Variants in SGSM2 observed in about 807,000 individuals in gnomAD.
The protein encoded by SGSM2 is RUN and TBC1 domain containing 1.
In SGSM2, 89 loss-of-function variants were observed where a neutral mutation model predicts 126.6. The ratio of observed to expected loss-of-function variants is 0.70; its 90% CI spans 0.59 to 0.84. SGSM2 has a LOEUF of 0.84. Ranked by LOEUF, SGSM2 falls within the 40% of genes least tolerant of loss-of-function variation. SGSM2 has a pLI of 0.00. For missense variants in SGSM2, 1,404 were observed against 1,416.6 expected (o/e 0.99, Z 0.14); for synonymous variants, 614 against 574.3 (o/e 1.07, Z -0.99).
intron 11 of SGSM2, among the ~76,000 whole-genome samples, chr17:2,366,064 G>A (rs1167423597): frequency 6.6e-6 from 1 of 152,164 alleles, no homozygotes; most frequent in Non-Finnish European, 1.5e-5. Flanking sequence ...TTTGGATGGT[G>A]AATATTGTCT....
intron 11 of SGSM2, among the ~76,000 whole-genome samples, chr17:2,365,789 C>T (rs556930669): frequency 6.6e-6 from 1 of 151,062 alleles, no homozygotes; most frequent in South Asian, 2.1e-4. Context: ...CTCTTTTACC[C>T]AGGCTGGAGT....
rs1400801225 is a variant in SGSM2 at position 2,379,467 on chromosome 17, C to T, written c.3103C>T (p.Arg1035Trp). Residue 1035 changes from arginine to tryptophan, a missense_variant, in exon 24 of 24, where the codon CGG becomes TGG. Physicochemically the swap from Arg to Trp is moderately radical, Grantham distance 101. Transcript: ENST00000268989. ...AEHHDAQEILRIARDLVHKVQ... is the reference protein window; with the variant it reads ...AEHHDAQEILWIARDLVHKVQ... ...GCATCACGATGCCCAGGAGATCCTGCGGATTGCCCGGGACCTCGTCCACAA... is the reference window on the plus strand; with the variant it reads ...GCATCACGATGCCCAGGAGATCCTGTGGATTGCCCGGGACCTCGTCCACAA... The T allele has an allele frequency of 3.1e-6, 5 of 1,613,452 alleles. No individual in the cohort carries two copies. Among genetic ancestry groups the T allele is most frequent in the Admixed American group, 3.3e-5 (2 of 59,998 alleles).
At chr17:2,360,252 G>A (rs1021357776) in intron 2 of SGSM2, among the ~76,000 whole-genome samples, 1 of 152,170 alleles carries the variant, frequency 6.6e-6, no homozygotes, top group African/African-American at 2.4e-5. Flanking sequence ...TGAGGCGGGA[G>A]AATCACCTGA....
At chr17:2,342,147 C>T (rs554370512) in intron 1 of SGSM2, among the ~76,000 whole-genome samples, 6 of 151,658 alleles carry the variant, frequency 4.0e-5, no homozygotes, top group Admixed American at 2.0e-4. Context: ...GGTGTGGTGG[C>T]GGCTCACACC....
At position 2,367,535 on chromosome 17, in the gene SGSM2, C is replaced by T. The variant is rs1180663852; in HGVS notation, c.1423+130C>T. On this transcript the variant is annotated intron_variant, in intron 12 of 23. Transcript: ENST00000268989. The surrounding 1 kb of genome is among the most constrained non-coding windows in gnomAD (Gnocchi z 4.0). ...ACTTGCACCCAGGGCAGTTCCCTTC[C>T]ATCGGGGGCAGATCAGGGAGGGCAG... 2.9e-6 allele frequency: 3 copies of T among 1,037,168 alleles called. No homozygotes were observed. Among genetic ancestry groups the T allele is most frequent in the Non-Finnish European group, 4.2e-6 (3 of 719,214 alleles). The allele number at this position is 1,037,168 out of a possible 1,614,324, so 64.2% of individuals were successfully genotyped here. A position where few individuals can be genotyped will look rare whatever the true frequency, so the allele number is the denominator to read the frequency against.
chr17:2,373,003 G>C lies in SGSM2; in HGVS notation c.1839G>C (p.Glu613Asp). The C allele has an allele frequency of 6.3e-7, 1 of 1,594,738 alleles. No individual in the cohort carries two copies. Among genetic ancestry groups the C allele is most frequent in the African/African-American group, 1.3e-5 (1 of 74,646 alleles). ...LLRQVYYGGIEHEIRKDVWPF... is the reference protein window; with the variant it reads ...LLRQVYYGGIDHEIRKDVWPF... ...GGCAAGTTTACTACGGAGGCATAGA[G>C]CACGAGATCCGCAAGGACGTCTGGC... The change falls in exon 16 of 24, where the codon GAG becomes GAC. Residue 613 changes from glutamate to aspartate, a missense_variant. Glu to Asp is a conservative substitution (Grantham distance 45). Coordinates refer to ENST00000268989, the MANE Select transcript of SGSM2 (RefSeq NM_014853.3).
intron 2 of SGSM2, among the ~76,000 whole-genome samples, chr17:2,348,317 T>C (rs935174223): frequency 6.6e-6 from 1 of 152,146 alleles, no homozygotes; most frequent in African/African-American, 2.4e-5. Flanking sequence ...AAGGGATTCC[T>C]GGAGGCTGAG....
intron 1 of SGSM2, among the ~76,000 whole-genome samples, chr17:2,341,064 G>T (rs2151468303): frequency 6.6e-6 from 1 of 152,256 alleles, no homozygotes; most frequent in South Asian, 2.1e-4. Flanking sequence ...GTCTTTAGCT[G>T]TGACATTATC....
At position 2,340,646 on chromosome 17, in the gene SGSM2, G is replaced by A. The variant is rs138064948; in HGVS notation, c.58-2899G>A. ...GTTGCCCAGGCTGGAGTGCCGTGGCGCCATCTCAGCTCACTGCAAGCTCCG... is the reference window on the plus strand; with the variant it reads ...GTTGCCCAGGCTGGAGTGCCGTGGCACCATCTCAGCTCACTGCAAGCTCCG... On this transcript the variant is annotated intron_variant, in intron 1 of 23. Transcript: ENST00000268989. Among the ~76,000 whole-genome samples the A allele has an allele frequency of 4.5e-3, 684 of 150,802 alleles. 9 individuals carry two copies. Among genetic ancestry groups the A allele is most frequent in the African/African-American group, 0.016 (662 of 40,990 alleles).
chr17:2,368,534 G>A (rs1453808370), intron 12 of SGSM2, among the ~76,000 whole-genome samples: 1 of 152,110 alleles, frequency 6.6e-6, no homozygotes. Context: ...TTCCTTAGCC[G>A]GCCACTGATC....
In SGSM2 at chr17:2,379,306, C is replaced by G. The variant is rs537403720; in HGVS notation, c.3067+103C>G. ...AGGGTTCTCAGGAATCCTGGGGGCC[C>G]TTCCCCAAAGGCCGGGATGTCAAGA... On this transcript the variant is annotated intron_variant, in intron 23 of 23. Transcript: ENST00000268989. The G allele has an allele frequency of 1.4e-5, 22 of 1,566,074 alleles. No homozygotes were observed. The East Asian group carries it at 4.5e-4, about 32-fold the overall frequency.
At position 2,365,067 on chromosome 17, in the gene SGSM2, G is replaced by A. The variant is rs1413640635; in HGVS notation, c.1161+10G>A. The A allele has an allele frequency of 3.7e-6, 6 of 1,610,678 alleles. No individual in the cohort carries two copies. Among genetic ancestry groups the A allele is most frequent in the East Asian group, 2.2e-5 (1 of 44,840 alleles). ...GACCCAGCAAGGGAAGGTAACTCGGGTGGGAGGCTTTAGGGGAAGGGCTGT... is the reference window on the plus strand; with the variant it reads ...GACCCAGCAAGGGAAGGTAACTCGGATGGGAGGCTTTAGGGGAAGGGCTGT... On this transcript the variant is annotated intron_variant, in intron 10 of 23. Coordinates refer to ENST00000268989, the MANE Select transcript of SGSM2 (RefSeq NM_014853.3).
rs577082573 is a variant in SGSM2 at position 2,379,701 on chromosome 17, G to A, written c.*181G>A. ...CCCTGCAGGGCAAGTCAGGGGCCAG[G>A]ATGCCCTCGGATCAGGGCCGGGATG... On this transcript the variant is annotated 3_prime_UTR_variant, in exon 24 of 24. Coordinates refer to ENST00000268989, the MANE Select transcript of SGSM2 (RefSeq NM_014853.3). The A allele has an allele frequency of 1.4e-6, 2 of 1,422,938 alleles. No individual in the cohort carries two copies. The highest frequency in any genetic ancestry group is 1.8e-6 in the Non-Finnish European group (2 of 1,087,760). 88.1% of individuals were successfully genotyped at this position (1,422,938 alleles called of 1,614,324 possible). A position where few individuals can be genotyped will look rare whatever the true frequency, so the allele number is the denominator to read the frequency against.
rs1038240042 is a variant in SGSM2 at position 2,362,579 on chromosome 17, G to A, written c.459-259G>A. Among the ~76,000 whole-genome samples the A allele has an allele frequency of 6.0e-5, 9 of 151,118 alleles. No individual in the cohort carries two copies. Among genetic ancestry groups the A allele is most frequent in the African/African-American group, 2.2e-4 (9 of 40,960 alleles). On this transcript the variant is annotated intron_variant, in intron 4 of 23. Transcript: ENST00000268989. The surrounding 1 kb of genome is among the most constrained non-coding windows in gnomAD (Gnocchi z 4.9). ...CAGCCCCTCCCTTGACCCGTCTCCC[G>A]ACGTCCCTCAGCCCCAGCCCTCAGG...
At chr17:2,347,129 G>A (rs1030775140) in intron 2 of SGSM2, among the ~76,000 whole-genome samples, 10 of 151,954 alleles carry the variant, frequency 6.6e-5, no homozygotes, top group Admixed American at 2.6e-4. Context: ...ATTTAGAGAC[G>A]GAGTCTCACT....
intron 17 of SGSM2, among the ~76,000 whole-genome samples, chr17:2,374,749 C>T (rs575209660): frequency 6.6e-6 from 1 of 152,240 alleles, no homozygotes; most frequent in African/African-American, 2.4e-5. Flanking sequence ...ACAGCAGTAG[C>T]TCCTCGCTGG....
intron 1 of SGSM2, among the ~76,000 whole-genome samples, chr17:2,340,621 G>T (rs2064308588): frequency 6.8e-6 from 1 of 147,468 alleles, no homozygotes; most frequent in Non-Finnish European, 1.5e-5. Flanking sequence ...GTCTCGCTCT[G>T]TTGCCCAGGC....
rs370623935 is a variant in SGSM2, at chr17:2,363,073, G to A, written c.611G>A (p.Arg204Gln). The A allele has an allele frequency of 1.7e-5, 28 of 1,613,730 alleles. No individual in the cohort carries two copies. Among genetic ancestry groups the A allele is most frequent in the Admixed American group, 1.0e-4 (6 of 60,020 alleles). ...TDPSADELVQ[R>Q]HRIRGPPTRQ... ...CCCTCTGCTGATGAGCTGGTCCAGC[G>A]GCACCGCATCCGGGGTCCACCTACT... The change falls in exon 6 of 24, where the codon CGG (arginine) becomes CAG (glutamine). Residue 204 changes from arginine to glutamine, a missense_variant. Physicochemically the swap from Arg to Gln is conservative, Grantham distance 43. Coordinates refer to ENST00000268989, the MANE Select transcript of SGSM2 (RefSeq NM_014853.3). This position sits in a 1 kb window ranked among gnomAD's most constrained non-coding sequence, Gnocchi z 4.2.
At position 2,380,889 on chromosome 17, in the gene SGSM2, G is replaced by A; in HGVS notation, c.*1369G>A. 6.3e-6 allele frequency: 1 copy of A among 158,742 alleles called. No individual in the cohort carries two copies. The highest frequency in any genetic ancestry group is 1.4e-5 in the Non-Finnish European group (1 of 72,350). The allele number at this position is 158,742 out of a possible 1,614,324, so 9.8% of individuals were successfully genotyped here. On this transcript the variant is annotated 3_prime_UTR_variant, in exon 24 of 24. Coordinates refer to ENST00000268989, the MANE Select transcript of SGSM2 (RefSeq NM_014853.3). ...TGTCTGGGGGCCAGACCACCCCATT[G>A]TCCATCCTTGTTGTCCGTGAGTCCT...
Sources: gnomAD v4.1 joint callset for allele counts (sites outside exome capture counted in the v4.1 genomes callset) on GRCh38, gnomAD v4.1.1 for gene constraint, Gnocchi (gnomAD v3.1) non-coding constraint, MANE v1.5 for transcripts, NCBI Gene and HGNC (gene_info 2026-07-23, HGNC 2026-07-21) for gene names.